Variants in C1orf87 observed in about 807,000 individuals in gnomAD.
C1orf87 encodes the protein uncharacterized protein C1orf87.
A neutral mutation model predicts 60.5 loss-of-function variants in C1orf87; 58 were observed. That is an observed-to-expected ratio of 0.96 (90% CI 0.78 to 1.19). The LOEUF is 1.19. C1orf87 is among the 50% of genes most tolerant of loss of function. The probability of loss-of-function intolerance (pLI) is 0.00; values close to 1 mark genes in which losing one functional copy is unlikely to be tolerated. For missense variants in C1orf87, 673 were observed against 638.6 expected, an observed-to-expected ratio of 1.05 and a Z score of -0.58; for synonymous variants, 236 against 227.4, an observed-to-expected ratio of 1.04 and a Z score of -0.34.
chr1:60,058,532 AAT>A (rs1452976556), intron 2 of C1orf87, among the ~76,000 whole-genome samples: 2 of 152,224 alleles, frequency 1.3e-5, no homozygotes, highest in Non-Finnish European at 2.9e-5. Flanking sequence ...TTACATAAAT[AAT>A]ATTATTGCTG....
rs1424041658 is a variant in C1orf87 at position 59,990,705 on chromosome 1, C to T, written c.1609G>A (p.Glu537Lys). 1.9e-6 allele frequency: 3 copies of T among 1,614,024 alleles called. No individual in the cohort carries two copies. The highest frequency in any genetic ancestry group is 2.5e-6 in the Non-Finnish European group (3 of 1,179,952). Residue 537 changes from glutamate to lysine, a missense_variant, in exon 12 of 12, where the codon GAG becomes AAG. Transcript: ENST00000371201. ...RFRSGENMLL[E>K]PALRYLKEL ...TCCTTTAAGTACCGCAGTGCTGGCT[C>T]CAAGAGCATATTTTCTCCCGAACGG...
At chr1:60,046,311 C>T (rs1645368625) in intron 3 of C1orf87, among the ~76,000 whole-genome samples, 1 of 136,426 alleles carries the variant, frequency 7.3e-6, no homozygotes, top group Non-Finnish European at 1.6e-5. Flanking sequence ...TCCCTCCCTC[C>T]CCTACCCTCC....
At chr1:60,025,627 C>G (rs1645193977) in intron 7 of C1orf87, 129 bp from the exon 8 acceptor site, 1 of 679,006 alleles carries the variant, frequency 1.5e-6, no homozygotes, top group South Asian at 2.2e-5. Flanking sequence ...GAATTAATAC[C>G]CAGGAGTACA....
chr1:60,003,237 C>T (rs530764516), intron 9 of C1orf87, among the ~76,000 whole-genome samples: 136 of 143,236 alleles, frequency 9.5e-4, no homozygotes, highest in African/African-American at 3.1e-3. Flanking sequence ...AACCAAACAC[C>T]GCATATTCTC....
At chr1:60,053,151 T>C (rs1272258539) in intron 3 of C1orf87, among the ~76,000 whole-genome samples, 1 of 152,216 alleles carries the variant, frequency 6.6e-6, no homozygotes, top group Non-Finnish European at 1.5e-5. Context: ...CAGTTTGATG[T>C]ATTAGGAGGA....
At chr1:60,050,613 G>A (rs760414301) in intron 3 of C1orf87, among the ~76,000 whole-genome samples, 10 of 115,924 alleles carry the variant, frequency 8.6e-5, no homozygotes, top group Non-Finnish European at 1.6e-4. Flanking sequence ...TCTTTTCTAA[G>A]TAATATGCCT....
chr1:60,049,452 C>A lies in C1orf87; in HGVS notation c.342+5752G>T, dbSNP rs994562049. Among the ~76,000 whole-genome samples the A allele has an allele frequency of 8.5e-5, 13 of 152,112 alleles. No individual in the cohort carries two copies. The East Asian group carries it at 2.5e-3, about 29-fold the overall frequency. ...TTGCCCATTTTTCTAATAGTATAACCCTTTTTCTTCTCTATTTTAAGTAGA... is the reference window on the plus strand; with the variant it reads ...TTGCCCATTTTTCTAATAGTATAACACTTTTTCTTCTCTATTTTAAGTAGA... On this transcript the variant is annotated intron_variant, in intron 3 of 11. Coordinates refer to ENST00000371201, the MANE Select transcript of C1orf87 (RefSeq NM_152377.3).
Position 60,007,993 on chromosome 1 carries a change from T to A in C1orf87, c.1192+2399A>T, listed in dbSNP as rs1396350285. Among the ~76,000 whole-genome samples the A allele has an allele frequency of 2.6e-5, 4 of 152,124 alleles. No homozygotes were observed. The East Asian group carries it at 7.8e-4, about 29-fold the overall frequency. Reference sequence around the variant, plus strand: ...CTCCTTCACTTTGATAACATTTACCTGTGGAGCTAAAGAATAGACAGAAAA... The same window carrying A: ...CTCCTTCACTTTGATAACATTTACCAGTGGAGCTAAAGAATAGACAGAAAA... On this transcript the variant is annotated intron_variant, in intron 9 of 11. Coordinates refer to ENST00000371201, the MANE Select transcript of C1orf87 (RefSeq NM_152377.3).
Position 60,043,515 on chromosome 1 carries a change from G to A in C1orf87, c.343-2384C>T, listed in dbSNP as rs74085884. On this transcript the variant is annotated intron_variant, in intron 3 of 11. Coordinates refer to ENST00000371201, the MANE Select transcript of C1orf87 (RefSeq NM_152377.3). ...TCCTGCTTCTGCCTCCAGAGTAGCC[G>A]GAACTACAGGCGGATGCCACCATGC... Among the ~76,000 whole-genome samples the A allele has an allele frequency of 6.2e-3, 943 of 152,142 alleles. 13 individuals carry two copies. The highest frequency in any genetic ancestry group is 0.022 in the African/African-American group (898 of 41,506).
chr1:60,019,648 G>A (rs1343690290), intron 8 of C1orf87, among the ~76,000 whole-genome samples: 2 of 152,164 alleles, frequency 1.3e-5, no homozygotes, highest in African/African-American at 2.4e-5. Context: ...TGCTGACAGT[G>A]ATATGGACAA....
chr1:60,022,182 A>G (rs1328084664), intron 8 of C1orf87, among the ~76,000 whole-genome samples: 1 of 149,836 alleles, frequency 6.7e-6, no homozygotes, highest in Non-Finnish European at 1.5e-5. Context: ...GTAATGATGC[A>G]AACACTTTTA....
Position 59,990,658 on chromosome 1 carries a change from A to C in C1orf87, c.*15T>G. ...AGATAAGGGAAACATCTGTTCTCAC[A>C]ATATGGGCTTGTTATCATAGCTCCT... is the stretch of plus-strand genomic sequence containing the variant. On this transcript the variant is annotated 3_prime_UTR_variant, in exon 12 of 12. Coordinates refer to ENST00000371201, the MANE Select transcript of C1orf87 (RefSeq NM_152377.3). The C allele has an allele frequency of 6.2e-7, 1 of 1,613,270 alleles. No homozygotes were observed. The highest frequency in any genetic ancestry group is 1.7e-4 in the Middle Eastern group (1 of 5,966).
Position 60,010,408 on chromosome 1 carries a change from TAAC to T in C1orf87, c.1173_1175del (p.Leu392del). 6.2e-7 allele frequency: 1 copy of T among 1,612,384 alleles called. No homozygotes were observed. Among genetic ancestry groups the T allele is most frequent in the Non-Finnish European group, 8.5e-7 (1 of 1,178,876 alleles). The stretch of plus-strand genomic sequence containing the variant: ...GGAACTCACCTGTAGGCAAATCAGA[TAAC>T]AAATCAGAAGAAGCTCTGGTCAGCA... On this transcript the variant is annotated inframe_deletion, in exon 9 of 12. Transcript: ENST00000371201.
intron 9 of C1orf87, 103 bp from the exon 10 acceptor site, chr1:60,001,259 G>A (rs1399867006): frequency 8.1e-6 from 7 of 863,520 alleles, no homozygotes; most frequent in Non-Finnish European, 1.2e-5. Flanking sequence ...CAAAAAAATG[G>A]AGGCTTTGCT....
chr1:60,008,163 G>A, intron 9 of C1orf87, among the ~76,000 whole-genome samples: 1 of 152,072 alleles, frequency 6.6e-6, no homozygotes, highest in East Asian at 1.9e-4. Flanking sequence ...CAACTCTGTA[G>A]TTCTGGAGAG....
intron 9 of C1orf87, among the ~76,000 whole-genome samples, chr1:60,005,007 A>G (rs1211218277): frequency 6.6e-6 from 1 of 152,018 alleles, no homozygotes; most frequent in Non-Finnish European, 1.5e-5. Flanking sequence ...CCAACTCAGT[A>G]CTTTTTAAAA....
At chr1:60,013,604 T>C (rs567708171) in intron 8 of C1orf87, among the ~76,000 whole-genome samples, 2 of 152,194 alleles carry the variant, frequency 1.3e-5, no homozygotes, top group East Asian at 1.9e-4. Context: ...TTAGAGTAGA[T>C]TAATTTAAAA....
intron 3 of C1orf87, among the ~76,000 whole-genome samples, chr1:60,052,525 T>C (rs939520178): frequency 2.6e-5 from 4 of 152,222 alleles, no homozygotes; most frequent in Admixed American, 6.5e-5. Flanking sequence ...ACTGTTCTTA[T>C]ATACACAAAA....
At chr1:60,028,043 A>C (rs887259032) in intron 7 of C1orf87, among the ~76,000 whole-genome samples, 4 of 152,138 alleles carry the variant, frequency 2.6e-5, no homozygotes, top group Admixed American at 1.3e-4. Flanking sequence ...ATTATTGAGT[A>C]AATGTATATA....
Sources: allele counts gnomAD v4.1 joint callset (sites outside exome capture counted in the v4.1 genomes callset), GRCh38; gene constraint gnomAD v4.1.1; transcripts MANE v1.5; gene names NCBI Gene and HGNC (gene_info 2026-07-23, HGNC 2026-07-21).